Variants in ZNF839 observed in about 807,000 individuals in gnomAD.
The protein encoded by ZNF839 is zinc finger protein 839.
Under a neutral mutation model 56.4 loss-of-function variants are expected in ZNF839, and 38 were observed. The ratio of observed to expected loss-of-function variants is 0.67; its 90% confidence interval spans 0.52 to 0.88. The LOEUF (loss-of-function observed/expected upper bound fraction) is 0.88, where lower values mean the gene tolerates loss of function less well. ZNF839 is among the 40% of genes least tolerant of loss of function. The pLI is 0.00. For missense variants in ZNF839, 1,091 were observed against 1,177.6 expected (o/e 0.93, Z 1.08); for synonymous variants, 486 against 493.5 (o/e 0.98, Z 0.20).
In ZNF839 at chr14:102,331,426, T is replaced by G. The variant is rs1049460548; in HGVS notation, c.1192-196T>G. 4 of 545,684 alleles carry G rather than the reference T, an allele frequency of 7.3e-6. No homozygotes were observed. The African/African-American group carries it at 7.6e-5, about 10-fold the overall frequency. 33.8% of individuals were successfully genotyped at this position (545,684 alleles called of 1,614,324 possible). On this transcript the variant is annotated intron_variant, in intron 2 of 7. Transcript: ENST00000442396. ...ACCGCGCCTGGCTAATTTTTTGTAT[T>G]CTTAGTAGAGATGGGGTTTCACCAT...
At chr14:102,331,556 A>G in intron 2 of ZNF839, 66 bp from the exon 3 acceptor site, 2 of 1,423,602 alleles carry the variant, frequency 1.4e-6, no homozygotes, top group Non-Finnish European at 1.9e-6. Flanking sequence ...GGCCACTAAA[A>G]GGTTTTTATG....
intron 1 of ZNF839, among the ~76,000 whole-genome samples, chr14:102,325,153 T>A (rs2073343501): frequency 6.6e-6 from 1 of 151,816 alleles, no homozygotes; most frequent in African/African-American, 2.4e-5. Context: ...GTCAGGAATT[T>A]GAGACCAGCC....
chr14:102,324,771 A>G (rs1432997782), intron 1 of ZNF839, among the ~76,000 whole-genome samples: 2 of 152,048 alleles, frequency 1.3e-5, no homozygotes, highest in Non-Finnish European at 2.9e-5. Context: ...CTGAATGGTG[A>G]AACCCTGTCT....
rs528027695 is a variant in ZNF839 at position 102,341,403 on chromosome 14, A to G, written c.2008A>G (p.Ser670Gly). The G allele has an allele frequency of 4.9e-5, 77 of 1,574,852 alleles. No individual in the cohort carries two copies. In the South Asian group the frequency reaches 8.2e-4, roughly 17 times the overall value. The part of the protein sequence containing the change: ...HTTTVSGGNG[S>G]VFQAGPQLQA... ...AACGACGGTTTCTGGTGGCAATGGG[A>G]GCGTGTTCCAGGCGGGCCCGCAGCT... is the stretch of plus-strand genomic sequence containing the variant. The change falls in exon 8 of 8, where the codon AGC becomes GGC. Residue 670 changes from serine (S) to glycine (G), a missense_variant. Ser to Gly is a moderately conservative substitution (Grantham distance 56). This residue lies in a region of ZNF839 where 431 missense variants were observed against 468.0 expected (regional missense o/e 0.92). Coordinates refer to ENST00000442396, the MANE Select transcript of ZNF839 (RefSeq NM_018335.6).
intron 1 of ZNF839, among the ~76,000 whole-genome samples, chr14:102,321,647 C>A (rs1723017182): frequency 6.6e-6 from 1 of 152,064 alleles, no homozygotes; most frequent in African/African-American, 2.4e-5. Context: ...AGTTTATGAA[C>A]TAACAGGAGA....
intron 5 of ZNF839, among the ~76,000 whole-genome samples, chr14:102,338,310 G>A (rs1274212686): frequency 2.0e-5 from 3 of 152,150 alleles, no homozygotes; most frequent in Non-Finnish European, 2.9e-5. Flanking sequence ...GGCTGAGGCG[G>A]GTGGATCACT....
intron 7 of ZNF839, 140 bp downstream of exon 7, chr14:102,339,363 C>A: frequency 8.3e-7 from 1 of 1,197,700 alleles, no homozygotes; most frequent in Non-Finnish European, 1.1e-6. Context: ...TCTCAAGTTT[C>A]ATTCCAGCCT....
At chr14:102,320,480 G>T (rs574736817) in intron 1 of ZNF839, among the ~76,000 whole-genome samples, 1 of 152,316 alleles carries the variant, frequency 6.6e-6, no homozygotes, top group Admixed American at 6.5e-5. Context: ...GGCAGGTTCT[G>T]GGATTGACGG....
chr14:102,322,204 T>C (rs915674772), intron 1 of ZNF839, among the ~76,000 whole-genome samples: 30 of 152,228 alleles, frequency 2.0e-4, no homozygotes, highest in African/African-American at 3.6e-4. Flanking sequence ...ACATTTTTCC[T>C]GTCTGCCTCA....
chr14:102,341,367 G>A lies in ZNF839; in HGVS notation c.1972G>A (p.Glu658Lys), dbSNP rs200026357. 2.8e-4 allele frequency: 429 copies of A among 1,534,518 alleles called. No homozygotes were observed. The highest frequency in any genetic ancestry group is 3.5e-4 in the Non-Finnish European group (404 of 1,143,770). Residue 658 changes from glutamate to lysine, a missense_variant, in exon 8 of 8, where the codon GAA (glutamate) becomes AAA (lysine). Transcript: ENST00000442396. ...VNVTVSPRSEESHTTTVSGGN... is the reference protein window; with the variant it reads ...VNVTVSPRSEKSHTTTVSGGN... ...TGTGACTGTCTCTCCCCGTTCTGAA[G>A]AAAGCCATACAACGACGGTTTCTGG...
In ZNF839 at chr14:102,335,823, A is replaced by T. The variant is rs751490106; in HGVS notation, c.1644A>T (p.Glu548Asp). 43 of 1,609,892 alleles carry T rather than the reference A, an allele frequency of 2.7e-5. No homozygotes were observed. The East Asian group carries it at 8.5e-4, about 32-fold the overall frequency. Residue 548 changes from glutamate to aspartate, a missense_variant, in exon 5 of 8, where the codon GAA becomes GAT. Physicochemically the swap from Glu to Asp is conservative, Grantham distance 45. Around this residue, in one of 3 missense-constraint regions of ZNF839, gnomAD observed 46 missense variants for 80.4 expected, o/e 0.57. Coordinates refer to ENST00000442396, the MANE Select transcript of ZNF839 (RefSeq NM_018335.6). ...SSGLCSQETL[E>D]INNDKVAESL... ...GTCTGTGTTCCCAGGAGACCCTGGAAATAAACAATGATAAGGTAACAATCT... is the reference window on the plus strand; with the variant it reads ...GTCTGTGTTCCCAGGAGACCCTGGATATAAACAATGATAAGGTAACAATCT...
chr14:102,336,772 C>A, intron 5 of ZNF839: 1 of 305,922 alleles, frequency 3.3e-6, no homozygotes, highest in South Asian at 2.7e-5. Context: ...TTCCCTCTGT[C>A]TCCCAGACTG....
At chr14:102,339,828 C>CT (rs1886307766) in intron 7 of ZNF839, among the ~76,000 whole-genome samples, 2 of 76,206 alleles carry the variant, frequency 2.6e-5, no homozygotes, top group Non-Finnish European at 6.2e-5. Flanking sequence ...GAGACGGGTC[C>CT]CAGGACACAT....
rs1567286507 is a variant in ZNF839, at chr14:102,326,703, C to T, written c.1007C>T (p.Pro336Leu). The change falls in exon 2 of 8, where the codon CCA (proline) becomes CTA (leucine). Residue 336 changes from proline (P) to leucine (L), a missense_variant. Physicochemically the swap from Pro to Leu is moderately conservative, Grantham distance 98. Coordinates refer to ENST00000442396, the MANE Select transcript of ZNF839 (RefSeq NM_018335.6). This position sits in a 1 kb window ranked among gnomAD's most constrained non-coding sequence, Gnocchi z 4.3. ...CTGGCCCGACATTTTAAACTTAACC[C>T]AGGCCACGGCCAGTTGGACCCCGAG... ...GGLARHFKLN[P>L]GHGQLDPEMV... 1.9e-6 allele frequency: 3 copies of T among 1,612,560 alleles called. No homozygotes were observed. Among genetic ancestry groups the T allele is most frequent in the Non-Finnish European group, 1.7e-6 (2 of 1,179,436 alleles).
Position 102,339,195 on chromosome 14 carries a change from G to A in ZNF839, c.1899G>A (p.Lys633=). ...SLAANSRGRE[K]PRPLHALAAG... Reference sequence around the variant, plus strand: ...CTGCCAACAGCAGAGGCCGGGAGAAGCCCAGGCCCTTGCATGCTTTGGCCG... The same window carrying A: ...CTGCCAACAGCAGAGGCCGGGAGAAACCCAGGCCCTTGCATGCTTTGGCCG... The change falls in exon 7 of 8, where the codon AAG becomes AAA. Residue 633 remains lysine, a synonymous_variant. Coordinates refer to ENST00000442396, the MANE Select transcript of ZNF839 (RefSeq NM_018335.6). The A allele has an allele frequency of 1.2e-6, 2 of 1,612,080 alleles. No homozygotes were observed. The highest frequency in any genetic ancestry group is 1.7e-6 in the Non-Finnish European group (2 of 1,179,020).
chr14:102,324,744 A>G (rs537608945), intron 1 of ZNF839, among the ~76,000 whole-genome samples: 1 of 151,984 alleles, frequency 6.6e-6, no homozygotes, highest in African/African-American at 2.4e-5. Flanking sequence ...GCCAGAGGTC[A>G]GGATTTCGAG....
chr14:102,326,368 A>T lies in ZNF839; in HGVS notation c.672A>T (p.Ser224=), dbSNP rs1206552236. The change falls in exon 2 of 8, where the codon TCA becomes TCT. Residue 224 remains serine, a synonymous_variant. Coordinates refer to ENST00000442396, the MANE Select transcript of ZNF839 (RefSeq NM_018335.6). The surrounding 1 kb of genome is among the most constrained non-coding windows in gnomAD (Gnocchi z 4.3). ...PLAVTSLSSS[S]AHPFISNLHT... The stretch of plus-strand genomic sequence containing the variant: ...CAGTAACATCTCTTTCATCCAGTTC[A>T]GCACATCCATTTATTTCCAACTTGC... The T allele has an allele frequency of 6.2e-7, 1 of 1,610,916 alleles. No homozygotes were observed. The highest frequency in any genetic ancestry group is 8.5e-7 in the Non-Finnish European group (1 of 1,178,320).
chr14:102,330,281 G>A (rs569969984), intron 2 of ZNF839, among the ~76,000 whole-genome samples: 37 of 151,808 alleles, frequency 2.4e-4, no homozygotes, highest in Admixed American at 3.9e-4. Flanking sequence ...TGCCCAGTCT[G>A]GAGTGCAATG....
intron 2 of ZNF839, among the ~76,000 whole-genome samples, chr14:102,331,209 C>T (rs1485456602): frequency 6.6e-6 from 1 of 152,150 alleles, no homozygotes; most frequent in Non-Finnish European, 1.5e-5. Flanking sequence ...GAACAAAATT[C>T]AGGTCAGGTT....
Sources: gnomAD v4.1 joint callset for allele counts (sites outside exome capture counted in the v4.1 genomes callset) on GRCh38, gnomAD v4.1.1 for gene constraint, gnomAD v4.1.1 regional missense constraint, Gnocchi (gnomAD v3.1) non-coding constraint, MANE v1.5 for transcripts, NCBI Gene and HGNC (gene_info 2026-07-23, HGNC 2026-07-21) for gene names.